Variants in CPT1B observed in about 807,000 individuals in gnomAD.
CPT1B encodes the protein carnitine palmitoyltransferase 1B, also known as carnitine O-palmitoyltransferase 1, muscle isoform.
Under a neutral mutation model 92.7 loss-of-function variants are expected in CPT1B, and 57 were observed. That is an observed-to-expected ratio of 0.62 (90% CI 0.50 to 0.77). The LOEUF (loss-of-function observed/expected upper bound fraction) is 0.77. Among genes scored for constraint, CPT1B ranks in the 30% least tolerant of loss-of-function variants. The pLI, the probability that CPT1B is intolerant of heterozygous loss-of-function variation, is 0.00. For synonymous variants in CPT1B, 398 were observed against 383.5 expected, an observed-to-expected ratio of 1.04 and a Z score of -0.44; for missense variants, 983 against 1,017.4, an observed-to-expected ratio of 0.97 and a Z score of 0.46.
Position 50,569,660 on chromosome 22 carries a change from A to T in CPT1B, c.2151T>A (p.Asp717Glu). 1 of 1,613,854 alleles carries T rather than the reference A, an allele frequency of 6.2e-7. No homozygotes were observed. The highest frequency in any genetic ancestry group is 8.5e-7 in the Non-Finnish European group (1 of 1,179,830). Residue 717 changes from aspartate (D) to glutamate (E), a missense_variant, in exon 18 of 20, where the codon GAT (aspartate) becomes GAA (glutamate). Transcript: ENST00000312108. The part of the protein sequence containing the change: ...GAGGGFGPVA[D>E]DGYGVSYMIA... ...TCATGTAGGAAACTCCATAGCCATC[A>T]TCTGCTACCTGAGGGCAACAAGAAG...
chr22:50,571,501 C>G lies in CPT1B; in HGVS notation c.1614G>C (p.Lys538Asn). 6.2e-7 allele frequency: 1 copy of G among 1,613,502 alleles called. No homozygotes were observed. The highest frequency in any genetic ancestry group is 8.5e-7 in the Non-Finnish European group (1 of 1,180,022). ...ACAACTCCACGTCGTCTGCCAACGC[C>G]TTGGCCACCTGGTAGGAACTCTCGA... is the stretch of plus-strand genomic sequence containing the variant. Reference protein sequence around the residue: ...AVIESSYQVAKALADDVELYC... With the variant: ...AVIESSYQVANALADDVELYC... The change falls in exon 14 of 20, where the codon AAG (lysine) becomes AAC (asparagine). Residue 538 changes from lysine (K) to asparagine (N), a missense_variant. Lys to Asn is a moderately conservative substitution (Grantham distance 94, BLOSUM62 0). Transcript: ENST00000312108.
rs2070021825 is a variant in CPT1B at position 50,569,005 on chromosome 22, T to A, written c.*79A>T. ...AACAGTCTTCCAGCTTCAGCCCTTC[T>A]CTTGCCACCTCTGTGGTCTGAGCTG... On this transcript the variant is annotated 3_prime_UTR_variant, in exon 20 of 20. Coordinates refer to ENST00000312108, the MANE Select transcript of CPT1B (RefSeq NM_152246.3). 1 of 262,246 alleles carries A rather than the reference T, an allele frequency of 3.8e-6. No individual in the cohort carries two copies. The highest frequency in any genetic ancestry group is 7.4e-6 in the Non-Finnish European group (1 of 135,142). The allele number at this position is 262,246 out of a possible 1,614,324, so 16.2% of individuals were successfully genotyped here.
At position 50,577,648 on chromosome 22, in the gene CPT1B, G is replaced by A. The variant is rs557397417; in HGVS notation, c.141+127C>T. The A allele has an allele frequency of 2.0e-4, 298 of 1,455,606 alleles. 4 individuals are homozygous for A. In the African/African-American group the frequency reaches 3.3e-3, roughly 16 times the overall value. 90.2% of individuals were successfully genotyped at this position (1,455,606 alleles called of 1,614,324 possible). A position where few individuals can be genotyped will look rare whatever the true frequency, so the allele number is the denominator to read the frequency against. On this transcript the variant is annotated intron_variant, in intron 2 of 19. Transcript: ENST00000312108. ...ACCACATCCTGTGCACCCCTCTGGT[G>A]TCTGTACTTCCACAACCTGTACCGG...
At chr22:50,572,498 C>T (rs1022266656) in intron 11 of CPT1B, among the ~76,000 whole-genome samples, 190 bp from the exon 12 acceptor site, 1 of 152,040 alleles carries the variant, frequency 6.6e-6, no homozygotes, top group Non-Finnish European at 1.5e-5. Flanking sequence ...TCTTAGCTTC[C>T]CATAACCTCC....
intron 13 of CPT1B, 147 bp downstream of exon 13, chr22:50,571,859 C>G: frequency 2.5e-6 from 2 of 808,944 alleles, no homozygotes; most frequent in Non-Finnish European, 4.1e-6. Context: ...TTGGACTCTA[C>G]AGGTATCCTG....
chr22:50,577,959 CGG>C, intron 1 of CPT1B, 25 bp from the exon 2 acceptor site: 1 of 1,572,640 alleles, frequency 6.4e-7, no homozygotes, highest in Non-Finnish European at 8.7e-7. Flanking sequence ...GATGGGTGCG[CGG>C]GCGCGCTTAG....
intron 19 of CPT1B, 68 bp from the exon 20 acceptor site, chr22:50,569,149 T>C (rs926052508): frequency 1.8e-6 from 1 of 556,776 alleles, no homozygotes; most frequent in Non-Finnish European, 3.2e-6. Context: ...CAAAATTCCC[T>C]TCCTGCTCCA....
At position 50,571,247 on chromosome 22, in the gene CPT1B, T is replaced by C. The variant is rs1168061715; in HGVS notation, c.1786A>G (p.Met596Val). Residue 596 changes from methionine to valine, a missense_variant, in exon 15 of 20, where the codon ATG (methionine) becomes GTG (valine). Coordinates refer to ENST00000312108, the MANE Select transcript of CPT1B (RefSeq NM_152246.3). The stretch of plus-strand genomic sequence containing the variant: ...GTCTCAGTCCGTCCCTCCCGGAACA[T>C]TCTGGTCATTGAGGCCTCATAGGTC... ...CLTYEASMTRMFREGRTETVR... is the reference protein window; with the variant it reads ...CLTYEASMTRVFREGRTETVR... 4.3e-6 allele frequency: 7 copies of C among 1,613,902 alleles called. No homozygotes were observed. In the African/African-American group the frequency reaches 8.0e-5, roughly 18 times the overall value.
Position 50,570,755 on chromosome 22 carries a change from G to A in CPT1B, c.2028+136C>T, listed in dbSNP as rs192120035. 3.7e-4 allele frequency: 448 copies of A among 1,215,618 alleles called. 2 individuals carry two copies. The highest frequency in any genetic ancestry group is 3.2e-3 in the Middle Eastern group (11 of 3,424). 75.3% of individuals were successfully genotyped at this position (1,215,618 alleles called of 1,614,324 possible). On this transcript the variant is annotated intron_variant, in intron 16 of 19. Coordinates refer to ENST00000312108, the MANE Select transcript of CPT1B (RefSeq NM_152246.3). ...CACAGGCCCAGGTGGGGTGTGGGCG[G>A]GAAAGCTGGCCCAGCACTCCAGGGA...
intron 13 of CPT1B, 50 bp downstream of exon 13, chr22:50,571,956 C>T (rs569619710): frequency 6.5e-7 from 1 of 1,544,356 alleles, no homozygotes; most frequent in East Asian, 2.2e-5. Context: ...GGGGCTGTAC[C>T]CACCTGCTGC....
chr22:50,578,555 CG>C (rs2070585372), upstream of CPT1B: 1 of 156,838 alleles, frequency 6.4e-6, no homozygotes, highest in Non-Finnish European at 1.4e-5. Context: ...CCACCTTCCG[CG>C]GTGGGAATTG....
chr22:50,577,664 C>T (rs750625587), intron 2 of CPT1B, 111 bp downstream of exon 2: 357 of 1,501,934 alleles, frequency 2.4e-4, no homozygotes, highest in Middle Eastern at 7.0e-4. Flanking sequence ...ACTTCCACAA[C>T]CTGTACCGGG....
Position 50,576,992 on chromosome 22 carries a change from G to C in CPT1B, c.324C>G (p.Ser108Arg). 6.2e-7 allele frequency: 1 copy of C among 1,614,098 alleles called. No homozygotes were observed. Among genetic ancestry groups the C allele is most frequent in the Non-Finnish European group, 8.5e-7 (1 of 1,180,034 alleles). The stretch of plus-strand genomic sequence containing the variant: ...AGACGCCCGTGGAGAAGATGGCCAT[G>C]CTGAGAAGTGCCCGGGTCTGCGGGG... ...YQTPQTRALL[S>R]MAIFSTGVWV... is the part of the protein sequence containing the mutation. The change falls in exon 4 of 20, where the codon AGC (serine) becomes AGG (arginine). Residue 108 changes from serine to arginine, a missense_variant. Physicochemically the swap from Ser to Arg is moderately radical, Grantham distance 110 (BLOSUM62 -1). Coordinates refer to ENST00000312108, the MANE Select transcript of CPT1B (RefSeq NM_152246.3).
Position 50,577,447 on chromosome 22 carries a change from C to G in CPT1B, c.158G>C (p.Gly53Ala). The G allele has an allele frequency of 6.2e-7, 1 of 1,613,650 alleles. No homozygotes were observed. The highest frequency in any genetic ancestry group is 1.1e-5 in the South Asian group (1 of 91,092). ...LIRIKNGILRGVYPGSPTSWL... is the reference protein window; with the variant it reads ...LIRIKNGILRAVYPGSPTSWL... ...GCTGGTGGGGCTGCCAGGGTACACG[C>G]CCCTGAGGATGCCATTCTGTGGGCA... is the stretch of plus-strand genomic sequence containing the variant. Residue 53 changes from glycine to alanine, a missense_variant, in exon 3 of 20, where the codon GGC (glycine) becomes GCC (alanine). By Grantham distance (60) the Gly-to-Ala change is moderately conservative. Coordinates refer to ENST00000312108, the MANE Select transcript of CPT1B (RefSeq NM_152246.3).
Position 50,573,938 on chromosome 22 carries a change from A to G in CPT1B, c.971-223T>C, listed in dbSNP as rs1190655096. 1 of 710,670 alleles carries G rather than the reference A, an allele frequency of 1.4e-6. No individual in the cohort carries two copies. The allele number at this position is 710,670 out of a possible 1,614,324, so 44.0% of individuals were successfully genotyped here. A position where few individuals can be genotyped will look rare whatever the true frequency, so the allele number is the denominator to read the frequency against. On this transcript the variant is annotated intron_variant, in intron 9 of 19. Transcript: ENST00000312108. The surrounding 1 kb of genome is among the most constrained non-coding windows in gnomAD (Gnocchi z 5.0). ...CCAACAATCCTATAAAGTATTTCAC[A>G]GAAGAGGAAACGACGCACTAGAGGG...
In CPT1B at chr22:50,568,921, G is replaced by GAGCCTACGTCACTCAGC. The variant is rs1223594778; in HGVS notation, c.*146_*162dup. On this transcript the variant is annotated 3_prime_UTR_variant, in exon 20 of 20. Coordinates refer to ENST00000312108, the MANE Select transcript of CPT1B (RefSeq NM_152246.3). ...CACGTGGGCGTGGACAGCTATCTCAGAGCCTACGTCACTCAGCAGAGTCAC... is the reference window on the plus strand; with the variant it reads ...CACGTGGGCGTGGACAGCTATCTCAGAGCCTACGTCACTCAGCAGCCTACGTCACTCAGCAGAGTCAC... 1 of 162,474 alleles carries GAGCCTACGTCACTCAGC rather than the reference G, an allele frequency of 6.2e-6. No homozygotes were observed. The highest frequency in any genetic ancestry group is 1.3e-5 in the Non-Finnish European group (1 of 74,804). The allele number at this position is 162,474 out of a possible 1,614,324, so 10.1% of individuals were successfully genotyped here. A position where few individuals can be genotyped will look rare whatever the true frequency, so the allele number is the denominator to read the frequency against.
chr22:50,576,144 G>A (rs1438632990), intron 6 of CPT1B, 32 bp from the exon 7 acceptor site: 14 of 1,613,962 alleles, frequency 8.7e-6, no homozygotes, highest in African/African-American at 4.0e-5. Flanking sequence ...GAGCTGGGGC[G>A]GGTGCAGCCA....
chr22:50,577,604 C>A, intron 2 of CPT1B, 141 bp from the exon 3 acceptor site: 1 of 1,404,694 alleles, frequency 7.1e-7, no homozygotes, highest in South Asian at 1.3e-5. Flanking sequence ...TCCGCCACAC[C>A]CACAGCTCCC....
At position 50,572,323 on chromosome 22, in the gene CPT1B, G is replaced by A. The variant is rs778192516; in HGVS notation, c.1353-15C>T. On this transcript the variant is annotated splice_polypyrimidine_tract_variant and intron_variant, in intron 11 of 19. Coordinates refer to ENST00000312108, the MANE Select transcript of CPT1B (RefSeq NM_152246.3). ...TGTCAAACCACCTGCAGGAAGAGTA[G>A]ACACATGAAGAACCAAAGCTGGGAA... The A allele has an allele frequency of 1.9e-6, 3 of 1,575,048 alleles. No individual in the cohort carries two copies. The highest frequency in any genetic ancestry group is 1.3e-5 in the African/African-American group (1 of 74,154).
Sources: gnomAD v4.1 joint callset for allele counts (sites outside exome capture counted in the v4.1 genomes callset) on GRCh38, gnomAD v4.1.1 for gene constraint, Gnocchi (gnomAD v3.1) non-coding constraint, MANE v1.5 for transcripts, NCBI Gene and HGNC (gene_info 2026-07-23, HGNC 2026-07-21) for gene names.